Variants in PIP5K1B observed in about 807,000 individuals in gnomAD.
PIP5K1B encodes the protein phosphatidylinositol 4-phosphate 5-kinase type-1 beta.
Under a neutral mutation model 67.0 loss-of-function variants are expected in PIP5K1B, and 42 were observed. The ratio of observed to expected loss-of-function variants is 0.63; its 90% CI spans 0.49 to 0.81. The LOEUF (loss-of-function observed/expected upper bound fraction) is 0.81, where lower values mean the gene tolerates loss of function less well. PIP5K1B is among the 30% of genes least tolerant of loss of function. The probability of loss-of-function intolerance (pLI) is 0.00; values close to 1 mark genes in which losing one functional copy is unlikely to be tolerated. For missense variants in PIP5K1B, 459 were observed against 646.3 expected, an observed-to-expected ratio of 0.71 and a Z score of 3.14; for synonymous variants, 214 against 231.4, an observed-to-expected ratio of 0.92 and a Z score of 0.68.
chr9:68,963,217 C>T (rs1369564709), intron 14 of PIP5K1B: 5 of 456,224 alleles, frequency 1.1e-5, no homozygotes, highest in South Asian at 7.7e-5. Flanking sequence ...TTAAACTAAG[C>T]AAGCAGTCCT....
Position 69,008,533 on chromosome 9 carries a change from C to T in PIP5K1B, c.*84C>T. ...AGTTTCTCCGCACCAGAATTATCCACAGCAACTTGGCTGAGCCCCACTACA... is the reference window on the plus strand; with the variant it reads ...AGTTTCTCCGCACCAGAATTATCCATAGCAACTTGGCTGAGCCCCACTACA... On this transcript the variant is annotated 3_prime_UTR_variant, in exon 16 of 16. Transcript: ENST00000265382. 7.3e-7 allele frequency: 1 copy of T among 1,371,546 alleles called. No individual in the cohort carries two copies. Among genetic ancestry groups the T allele is most frequent in the African/African-American group, 1.4e-5 (1 of 70,252 alleles). 85.0% of individuals were successfully genotyped at this position (1,371,546 alleles called of 1,614,324 possible).
At chr9:68,951,299 G>A (rs142908958) in intron 14 of PIP5K1B, among the ~76,000 whole-genome samples, 7 of 152,272 alleles carry the variant, frequency 4.6e-5, no homozygotes, top group Non-Finnish European at 8.8e-5. Flanking sequence ...ATTTCATCCT[G>A]AAGGCTACAT....
chr9:68,912,125 A>G (rs1825884419), intron 8 of PIP5K1B, among the ~76,000 whole-genome samples: 1 of 152,072 alleles, frequency 6.6e-6, no homozygotes, highest in Non-Finnish European at 1.5e-5. Flanking sequence ...AATACCCCCC[A>G]GTCGAAAGTA....
chr9:68,801,426 G>C (rs1457753796), intron 2 of PIP5K1B, among the ~76,000 whole-genome samples: 2 of 152,098 alleles, frequency 1.3e-5, no homozygotes, highest in African/African-American at 4.8e-5. Flanking sequence ...GCTGTTCCTT[G>C]ATGCTGAGAA....
At chr9:68,979,646 G>A (rs1314961737) in intron 14 of PIP5K1B, among the ~76,000 whole-genome samples, 2 of 152,182 alleles carry the variant, frequency 1.3e-5, no homozygotes, top group Middle Eastern at 3.2e-3. Context: ...GAGCCATTGT[G>A]GCTTCTGTCC....
intron 14 of PIP5K1B, among the ~76,000 whole-genome samples, chr9:68,942,398 A>G (rs1248890243): frequency 6.6e-6 from 1 of 152,152 alleles, no homozygotes; most frequent in Non-Finnish European, 1.5e-5. Context: ...GTGCTCTTCA[A>G]TCATTTCGTG....
chr9:68,997,343 T>TA (rs1411744183), intron 15 of PIP5K1B, among the ~76,000 whole-genome samples: 1 of 152,158 alleles, frequency 6.6e-6, no homozygotes. Context: ...TGGGTCTCTT[T>TA]AATCATTCCT....
chr9:68,847,714 C>T (rs1205728981), intron 4 of PIP5K1B, among the ~76,000 whole-genome samples: 1 of 152,042 alleles, frequency 6.6e-6, no homozygotes, highest in Non-Finnish European at 1.5e-5. Flanking sequence ...GTGATATGCC[C>T]CTGGAGAACT....
intron 2 of PIP5K1B, among the ~76,000 whole-genome samples, chr9:68,776,300 T>C (rs1830914662): frequency 6.6e-6 from 1 of 152,188 alleles, no homozygotes; most frequent in South Asian, 2.1e-4. Context: ...AGTGAAAAAT[T>C]GCCCTCAGAA....
chr9:68,766,252 GT>G (rs1252550006), intron 2 of PIP5K1B, among the ~76,000 whole-genome samples: 3 of 152,020 alleles, frequency 2.0e-5, no homozygotes, highest in Non-Finnish European at 2.9e-5. Context: ...CTTTTACTTT[GT>G]TTTTTGCTGC....
intron 4 of PIP5K1B, among the ~76,000 whole-genome samples, chr9:68,858,674 T>A (rs1822906843): frequency 6.6e-6 from 1 of 152,192 alleles, no homozygotes; most frequent in Non-Finnish European, 1.5e-5. Context: ...GGCACTGACA[T>A]GATCAGATTT....
Position 68,854,077 on chromosome 9 carries a change from G to A in PIP5K1B, c.70-9760G>A, listed in dbSNP as rs77155724. ...TTAAGCTGGACTGTACATACCAGATGTCTAGATGAGACCATTTTTACAGAT... is the reference window on the plus strand; with the variant it reads ...TTAAGCTGGACTGTACATACCAGATATCTAGATGAGACCATTTTTACAGAT... On this transcript the variant is annotated intron_variant, in intron 4 of 15. Transcript: ENST00000265382. 9.6e-3 allele frequency among the ~76,000 whole-genome samples: 1,420 copies of A among 148,138 alleles called. 65 individuals carry two copies. In the East Asian group the frequency reaches 0.13, roughly 14 times the overall value.
chr9:68,792,806 A>G (rs1832056767), intron 2 of PIP5K1B, among the ~76,000 whole-genome samples: 1 of 152,200 alleles, frequency 6.6e-6, no homozygotes, highest in Non-Finnish European at 1.5e-5. Context: ...AAAGGAATGT[A>G]GTAAGATTCT....
chr9:68,994,150 C>T (rs1830509154), intron 15 of PIP5K1B, among the ~76,000 whole-genome samples: 1 of 147,826 alleles, frequency 6.8e-6, no homozygotes, highest in African/African-American at 2.5e-5. Context: ...AAGCGATTCT[C>T]CTGCCTCAGC....
intron 14 of PIP5K1B, among the ~76,000 whole-genome samples, chr9:68,982,633 G>A (rs151242275): frequency 2.6e-5 from 4 of 152,000 alleles, no homozygotes; most frequent in East Asian, 1.9e-4. Context: ...ATGGTGGTGC[G>A]CACCTGTAGT....
intron 14 of PIP5K1B, among the ~76,000 whole-genome samples, chr9:68,962,343 T>C (rs1828798486): frequency 6.6e-6 from 1 of 152,182 alleles, no homozygotes; most frequent in African/African-American, 2.4e-5. Context: ...GAAAAATCAA[T>C]CCTCTCTGAA....
At chr9:68,707,942 T>G (rs1827200179) in intron 1 of PIP5K1B, 1 of 152,184 alleles carries the variant, frequency 6.6e-6, no homozygotes, top group Non-Finnish European at 1.5e-5. Context: ...TTTAGCATTT[T>G]GTGATGTTTA....
intron 2 of PIP5K1B, among the ~76,000 whole-genome samples, chr9:68,815,368 A>G (rs1164363460): frequency 1.3e-5 from 2 of 152,070 alleles, no homozygotes; most frequent in African/African-American, 4.8e-5. Flanking sequence ...GCTAAAATTA[A>G]TGTAATTGGC....
At chr9:68,768,321 T>C (rs568639483) in intron 2 of PIP5K1B, among the ~76,000 whole-genome samples, 12 of 152,340 alleles carry the variant, frequency 7.9e-5, no homozygotes, top group Non-Finnish European at 1.6e-4. Flanking sequence ...TTCATATGTA[T>C]GTGACACACC....
Sources: allele counts gnomAD v4.1 joint callset (sites outside exome capture counted in the v4.1 genomes callset), GRCh38; gene constraint gnomAD v4.1.1; transcripts MANE v1.5; gene names NCBI Gene and HGNC (gene_info 2026-07-23, HGNC 2026-07-21).